LMBR1: variants seen among roughly 807,000 people sequenced by gnomAD.
LMBR1 encodes limb development membrane protein 1.
Under a neutral mutation model 73.9 loss-of-function variants are expected in LMBR1, and 52 were observed. The ratio of observed to expected loss-of-function variants is 0.70; its 90% confidence interval spans 0.56 to 0.89. The LOEUF (loss-of-function observed/expected upper bound fraction) is 0.89. Ranked by LOEUF, LMBR1 falls within the 40% of genes least tolerant of loss-of-function variation. The pLI is 0.00. For synonymous variants in LMBR1, 215 were observed against 209.4 expected (o/e 1.03, Z -0.23); for missense variants, 539 against 579.8 (o/e 0.93, Z 0.72).
At chr7:156,754,686 T>TTAAATAATACAA (rs1821531244) in intron 9 of LMBR1, among the ~76,000 whole-genome samples, 1 of 152,208 alleles carries the variant, frequency 6.6e-6, no homozygotes, top group African/African-American at 2.4e-5. Flanking sequence ...AACACACTAG[T>TTAAATAATACAA]CATAATACTA....
At chr7:156,774,621 C>T (rs1447992149) in intron 5 of LMBR1, among the ~76,000 whole-genome samples, 3 of 152,148 alleles carry the variant, frequency 2.0e-5, no homozygotes, top group Non-Finnish European at 4.4e-5. Flanking sequence ...CATCTGAGGT[C>T]AGGAGTTCAA....
intron 5 of LMBR1, 35 bp downstream of exon 5, chr7:156,796,354 T>C: frequency 7.1e-7 from 1 of 1,407,970 alleles, no homozygotes; most frequent in Non-Finnish European, 9.8e-7. Context: ...AATTCCTCAC[T>C]TAACCAATTT....
At chr7:156,749,545 A>G (rs1285350358) in intron 9 of LMBR1, among the ~76,000 whole-genome samples, 1 of 152,246 alleles carries the variant, frequency 6.6e-6, no homozygotes, top group African/African-American at 2.4e-5. Flanking sequence ...AAAAGCTTGT[A>G]TAAGACATGT....
chr7:156,681,327 T>C lies in LMBR1; in HGVS notation c.*2751A>G. The C allele has an allele frequency of 2.9e-6, 1 of 348,374 alleles. No individual in the cohort carries two copies. The highest frequency in any genetic ancestry group is 5.5e-6 in the Non-Finnish European group (1 of 181,466). The allele number at this position is 348,374 out of a possible 1,614,324, so 21.6% of individuals were successfully genotyped here. A position where few individuals can be genotyped will look rare whatever the true frequency, so the allele number is the denominator to read the frequency against. ...AAACGCGAGAGGCTCCGTCCATCTC[T>C]ACTAACCAGCACCTTAGTGCAGCAA... On this transcript the variant is annotated 3_prime_UTR_variant, in exon 17 of 17. Coordinates refer to ENST00000353442, the MANE Select transcript of LMBR1 (RefSeq NM_022458.4).
Position 156,892,704 on chromosome 7 carries a change from G to C in LMBR1, c.66+224C>G, listed in dbSNP as rs941775551. On this transcript the variant is annotated intron_variant, in intron 1 of 16. Transcript: ENST00000353442. ...AGGGGAGGCAAGAGCGGAGCGGGGG[G>C]GCAGGCAGAGGAAGCGAAGGGGAGG... 4 of 374,016 alleles carry C rather than the reference G, an allele frequency of 1.1e-5. No individual in the cohort carries two copies. The East Asian group carries it at 1.8e-4, about 16-fold the overall frequency. 23.2% of individuals were successfully genotyped at this position (374,016 alleles called of 1,614,324 possible).
chr7:156,794,934 T>C (rs1438487214), intron 5 of LMBR1, among the ~76,000 whole-genome samples: 3 of 152,094 alleles, frequency 2.0e-5, no homozygotes, highest in Non-Finnish European at 2.9e-5. Context: ...ACTCAAGTGG[T>C]AGATGAAAAA....
intron 15 of LMBR1, among the ~76,000 whole-genome samples, chr7:156,710,602 T>C (rs1004713963): frequency 2.6e-5 from 4 of 152,228 alleles, no homozygotes; most frequent in African/African-American, 9.6e-5. Flanking sequence ...GAAAACTTAT[T>C]TGAGGGAATA....
chr7:156,709,237 C>A (rs1257459840), intron 15 of LMBR1, among the ~76,000 whole-genome samples: 1 of 152,212 alleles, frequency 6.6e-6, no homozygotes, highest in Non-Finnish European at 1.5e-5. Context: ...TGAGGCCAAC[C>A]AACTGGCCAA....
In LMBR1 at chr7:156,826,686, AGG is replaced by A; in HGVS notation, c.236_237del (p.Pro79LeufsTer7). The A allele has an allele frequency of 6.2e-7, 1 of 1,611,468 alleles. No homozygotes were observed. Among genetic ancestry groups the A allele is most frequent in the Non-Finnish European group, 8.5e-7 (1 of 1,178,586 alleles). Reference protein sequence around the residue: ...AVSAGAVLLLPFSIISNEILL... With the variant: ...AVSAGAVLLLXFSIISNEILL... ...AGGATTTCATTGCTGATGATTGAGA[AGG>A]GTAAAAGCAAAACAGCCCCAGCTGA... On this transcript the variant is annotated frameshift_variant, in exon 4 of 17. Coordinates refer to ENST00000353442, the MANE Select transcript of LMBR1 (RefSeq NM_022458.4). LOFTEE classifies it high-confidence loss of function.
Position 156,744,295 on chromosome 7 carries a change from T to C in LMBR1, c.758-10038A>G, listed in dbSNP as rs1389457523. ...TTGCAAATGGGAAGCTTGATGTTGA[T>C]CTCTCTCTTCTTTGTCTGGAATTTT... On this transcript the variant is annotated intron_variant, in intron 9 of 16. Coordinates refer to ENST00000353442, the MANE Select transcript of LMBR1 (RefSeq NM_022458.4). 2.0e-5 allele frequency among the ~76,000 whole-genome samples: 3 copies of C among 151,908 alleles called. No individual in the cohort carries two copies. The East Asian group carries it at 5.8e-4, about 29-fold the overall frequency.
At chr7:156,776,596 C>G (rs1040280966) in intron 5 of LMBR1, among the ~76,000 whole-genome samples, 1 of 152,156 alleles carries the variant, frequency 6.6e-6, no homozygotes, top group African/African-American at 2.4e-5. Context: ...CCTAGCCTAG[C>G]TCTGCCTCCA....
At chr7:156,730,495 T>C (rs113316502) in intron 10 of LMBR1, among the ~76,000 whole-genome samples, 2 of 152,306 alleles carry the variant, frequency 1.3e-5, no homozygotes, top group African/African-American at 4.8e-5. Flanking sequence ...CCTTGAATGA[T>C]CTCAAGCCTA....
intron 1 of LMBR1, among the ~76,000 whole-genome samples, chr7:156,885,703 C>T (rs556580357): frequency 6.6e-6 from 1 of 152,110 alleles, no homozygotes; most frequent in South Asian, 2.1e-4. Context: ...ATGGTAAAAC[C>T]CTGCCTCTAC....
chr7:156,883,256 A>G (rs967426779), intron 1 of LMBR1, among the ~76,000 whole-genome samples: 7 of 150,846 alleles, frequency 4.6e-5, no homozygotes, highest in Non-Finnish European at 7.4e-5. Context: ...AAAATTAGCC[A>G]GGTGTGGTGG....
At chr7:156,849,948 A>G (rs1291984500) in intron 1 of LMBR1, among the ~76,000 whole-genome samples, 1 of 152,170 alleles carries the variant, frequency 6.6e-6, no homozygotes, top group Non-Finnish European at 1.5e-5. Context: ...ATATGGAAAA[A>G]TCTCATTACC....
intron 15 of LMBR1, among the ~76,000 whole-genome samples, chr7:156,699,653 T>C (rs1417428921): frequency 2.8e-4 from 42 of 151,612 alleles, no homozygotes; most frequent in African/African-American, 1.0e-3. Flanking sequence ...TGCAACCTAC[T>C]CATCTGACAA....
chr7:156,814,719 G>A (rs1016168680), intron 4 of LMBR1, among the ~76,000 whole-genome samples: 7 of 152,208 alleles, frequency 4.6e-5, no homozygotes, highest in Non-Finnish European at 8.8e-5. Context: ...ACCTTGAAGA[G>A]GGACTGCAAC....
In LMBR1 at chr7:156,769,187, G is replaced by A. The variant is rs1038529587; in HGVS notation, c.424-5392C>T. ...CTACTCAAAAAGTCACCTGATGCCAGGCTCAGTAGCTCACACCTGTAATCC... is the reference window on the plus strand; with the variant it reads ...CTACTCAAAAAGTCACCTGATGCCAAGCTCAGTAGCTCACACCTGTAATCC... On this transcript the variant is annotated intron_variant, in intron 5 of 16. Transcript: ENST00000353442. 6.6e-5 allele frequency among the ~76,000 whole-genome samples: 10 copies of A among 152,174 alleles called. No individual in the cohort carries two copies. Among genetic ancestry groups the A allele is most frequent in the Non-Finnish European group, 8.8e-5 (6 of 68,028 alleles).
In LMBR1 at chr7:156,669,498, C is replaced by T. The variant is rs1801984455; in HGVS notation, n.867-211G>A. On this transcript the variant is annotated intron_variant and non_coding_transcript_variant, in intron 4 of 4. Transcript: ENST00000430825. The surrounding 1 kb of genome is among the most constrained non-coding windows in gnomAD (Gnocchi z 4.2). ...TCTGTCCAGGCAGAGGGCAGCACGG[C>T]TTAGCATGTGGGAGGGGCAGGCTGG... Among the ~76,000 whole-genome samples, 1 of 152,134 alleles carries T rather than the reference C, an allele frequency of 6.6e-6. No homozygotes were observed. Among genetic ancestry groups the T allele is most frequent in the African/African-American group, 2.4e-5 (1 of 41,444 alleles).
Sources: gnomAD v4.1 joint callset for allele counts (sites outside exome capture counted in the v4.1 genomes callset) on GRCh38, gnomAD v4.1.1 for gene constraint, Gnocchi (gnomAD v3.1) non-coding constraint, MANE v1.5 for transcripts, NCBI Gene and HGNC (gene_info 2026-07-23, HGNC 2026-07-21) for gene names.